OTOG: variants seen among roughly 807,000 people sequenced by gnomAD.
The protein encoded by OTOG is otogelin.
In OTOG, 296 loss-of-function variants were observed where a neutral mutation model predicts 313.8. The ratio of observed to expected loss-of-function variants is 0.94; its 90% CI spans 0.86 to 1.04. The LOEUF (loss-of-function observed/expected upper bound fraction) is 1.04. Ranked by LOEUF, OTOG falls within the 50% of genes least tolerant of loss-of-function variation. The pLI, the probability that OTOG is intolerant of heterozygous loss-of-function variation, is 0.00. For synonymous variants in OTOG, 1,533 were observed against 1,554.9 expected (o/e 0.99, Z 0.33); for missense variants, 3,948 against 3,840.1 (o/e 1.03, Z -0.74).
chr11:17,613,591 A>T (rs1307559146), intron 38 of OTOG, 21 bp from the exon 39 acceptor site: 1 of 1,546,756 alleles, frequency 6.5e-7, no homozygotes, highest in Non-Finnish European at 8.7e-7. Flanking sequence ...CAAGTTGATG[A>T]GGGCTGGGTT....
intron 19 of OTOG, among the ~76,000 whole-genome samples, chr11:17,574,373 A>G (rs1170464197): frequency 6.6e-6 from 1 of 152,034 alleles, no homozygotes; most frequent in Non-Finnish European, 1.5e-5. Flanking sequence ...TGTGTGAGTT[A>G]CGGGGTGGGT....
chr11:17,608,661 A>G (rs1853450031), intron 34 of OTOG, among the ~76,000 whole-genome samples: 2 of 152,226 alleles, frequency 1.3e-5, no homozygotes, highest in Non-Finnish European at 2.9e-5. Context: ...TTCGTTGTAC[A>G]CAGCTGCATG....
chr11:17,576,141 C>A (rs1397458212), intron 20 of OTOG, among the ~76,000 whole-genome samples: 1 of 152,242 alleles, frequency 6.6e-6, no homozygotes, highest in Admixed American at 6.5e-5. Context: ...AGGCACTGAG[C>A]AATTGGAATA....
chr11:17,548,294 G>A, intron 3 of OTOG, 82 bp downstream of exon 3: 1 of 1,241,852 alleles, frequency 8.1e-7, no homozygotes, highest in Non-Finnish European at 1.1e-6. Flanking sequence ...AGCTCTGTAG[G>A]TTACAGGAGG....
chr11:17,552,147 G>A, intron 4 of OTOG, 72 bp downstream of exon 4: 4 of 1,420,150 alleles, frequency 2.8e-6, no homozygotes, highest in Non-Finnish European at 3.9e-6. Context: ...AAAGGGCAGA[G>A]GGCAGGTGGG....
chr11:17,639,251 C>T (rs1590060898), intron 48 of OTOG, among the ~76,000 whole-genome samples, 172 bp from the exon 49 acceptor site: 3 of 152,144 alleles, frequency 2.0e-5, no homozygotes, highest in Admixed American at 6.5e-5. Flanking sequence ...CTCCTGCCCC[C>T]AGGGATGGAA....
chr11:17,603,994 C>G (rs1853318893), intron 32 of OTOG, among the ~76,000 whole-genome samples: 1 of 152,138 alleles, frequency 6.6e-6, no homozygotes, highest in African/African-American at 2.4e-5. Context: ...CTCATTTAAT[C>G]CTCATGACAA....
intron 39 of OTOG, 42 bp from the exon 40 acceptor site, chr11:17,629,091 A>G (rs929864872): frequency 9.9e-6 from 15 of 1,509,574 alleles, no homozygotes; most frequent in Non-Finnish European, 1.3e-5. Context: ...TGGATGAATG[A>G]ATGGATGGAC....
chr11:17,625,105 G>C (rs893588206), intron 39 of OTOG, among the ~76,000 whole-genome samples: 1 of 152,198 alleles, frequency 6.6e-6, no homozygotes, highest in African/African-American at 2.4e-5. Flanking sequence ...TCTGCAAACA[G>C]GGATAGTTTG....
At chr11:17,640,602 TGCTGAGGGGCCCCAGGCCTGCCA>T in intron 49 of OTOG, 120 bp from the exon 50 acceptor site, 1 of 735,896 alleles carries the variant, frequency 1.4e-6, no homozygotes, top group Non-Finnish European at 2.2e-6. Flanking sequence ...GCTTCCAGGC[TGCTGAGGGGCCCCAGGCCTGCCA>T]GCCCCCCTCC....
chr11:17,642,690 A>G (rs919131491), intron 53 of OTOG, among the ~76,000 whole-genome samples: 7 of 152,350 alleles, frequency 4.6e-5, no homozygotes, highest in Admixed American at 2.0e-4. Flanking sequence ...CAGCACTAGC[A>G]TGGACAACTG....
In OTOG at chr11:17,596,157, G is replaced by A; in HGVS notation, c.3525+3G>A. Reference sequence around the variant, plus strand: ...TGTTTGAGATCTGCCACCCTGTGGTGAGTGTACCCCAGCCTCGGCTCCTCC... The same window carrying A: ...TGTTTGAGATCTGCCACCCTGTGGTAAGTGTACCCCAGCCTCGGCTCCTCC... On this transcript the variant is annotated splice_donor_region_variant and intron_variant, in intron 29 of 55. Coordinates refer to ENST00000399397, the MANE Select transcript of OTOG (RefSeq NM_001292063.2). The A allele has an allele frequency of 6.5e-7, 1 of 1,545,620 alleles. No individual in the cohort carries two copies. Among genetic ancestry groups the A allele is most frequent in the Non-Finnish European group, 8.8e-7 (1 of 1,142,500 alleles).
rs1853008794 is a variant in OTOG, at chr11:17,593,632, A to G, written c.3164A>G (p.Asp1055Gly). 6.5e-7 allele frequency: 1 copy of G among 1,548,914 alleles called. No homozygotes were observed. The highest frequency in any genetic ancestry group is 1.4e-5 in the African/African-American group (1 of 72,978). The change falls in exon 27 of 56, where the codon GAC becomes GGC. Residue 1055 changes from aspartate (D) to glycine (G), a missense_variant. Transcript: ENST00000399397. ...GNPSPESFLDDKQEVHTWRVG... is the reference protein window; with the variant it reads ...GNPSPESFLDGKQEVHTWRVG... Reference sequence around the variant, plus strand: ...TAGAGTCCAGAGAGCTTCCTGGATGACAAGCAGGAGGTCCACACATGGCGA... The same window carrying G: ...TAGAGTCCAGAGAGCTTCCTGGATGGCAAGCAGGAGGTCCACACATGGCGA...
At chr11:17,591,168 G>A (rs1458214014) in intron 24 of OTOG, among the ~76,000 whole-genome samples, 1 of 152,234 alleles carries the variant, frequency 6.6e-6, no homozygotes, top group Non-Finnish European at 1.5e-5. Context: ...GTAAGTGAAT[G>A]AATGGAGTGG....
At chr11:17,603,516 T>G (rs1371435031) in intron 32 of OTOG, among the ~76,000 whole-genome samples, 1 of 152,110 alleles carries the variant, frequency 6.6e-6, no homozygotes, top group Admixed American at 6.5e-5. Context: ...AGAACGTCAC[T>G]GGGGGCAGGA....
Position 17,584,961 on chromosome 11 carries a change from C to T in OTOG, c.2760-1513C>T, listed in dbSNP as rs576313598. Among the ~76,000 whole-genome samples, 115 of 152,224 alleles carry T rather than the reference C, an allele frequency of 7.6e-4. 1 individual carries two copies. The highest frequency in any genetic ancestry group is 1.2e-3 in the South Asian group (6 of 4,822). Reference sequence around the variant, plus strand: ...TGGGATAAACCCCAGTTGTGACTGACGTATTATTTAATATTCTGTGGTCTG... The same window carrying T: ...TGGGATAAACCCCAGTTGTGACTGATGTATTATTTAATATTCTGTGGTCTG... On this transcript the variant is annotated intron_variant, in intron 23 of 55. Transcript: ENST00000399397.
chr11:17,591,565 G>A lies in OTOG; in HGVS notation c.2983G>A (p.Ala995Thr). 1.9e-6 allele frequency: 3 copies of A among 1,550,638 alleles called. No individual in the cohort carries two copies. The highest frequency in any genetic ancestry group is 1.7e-6 in the Non-Finnish European group (2 of 1,147,012). ...FDGLPFDFVG[A>T]CKVHLVKSTS... is the part of the protein sequence containing the mutation. ...TGGGCTCCCGTTTGACTTCGTGGGGGCATGCAAAGTGCACCTGGTCAAGGT... is the reference window on the plus strand; with the variant it reads ...TGGGCTCCCGTTTGACTTCGTGGGGACATGCAAAGTGCACCTGGTCAAGGT... Residue 995 changes from alanine (A) to threonine (T), a missense_variant, in exon 25 of 56, where the codon GCA becomes ACA. By Grantham distance (58) the Ala-to-Thr change is moderately conservative. Transcript: ENST00000399397.
chr11:17,643,693 G>A (rs1306561182), intron 54 of OTOG, among the ~76,000 whole-genome samples, 187 bp downstream of exon 54: 1 of 152,240 alleles, frequency 6.6e-6, no homozygotes, highest in Admixed American at 6.5e-5. Flanking sequence ...GCAGATGGCT[G>A]GAGGCCATGT....
intron 39 of OTOG, among the ~76,000 whole-genome samples, chr11:17,623,988 G>T (rs1031165441): frequency 2.0e-5 from 3 of 152,060 alleles, no homozygotes; most frequent in South Asian, 4.1e-4. Flanking sequence ...AGTTTTTAAT[G>T]GGGTAGTTTG....
Sources: gnomAD v4.1 joint callset for allele counts (sites outside exome capture counted in the v4.1 genomes callset) on GRCh38, gnomAD v4.1.1 for gene constraint, MANE v1.5 for transcripts, NCBI Gene and HGNC (gene_info 2026-07-23, HGNC 2026-07-21) for gene names.